Variants in HEXB observed in about 807,000 individuals in gnomAD.
The protein encoded by HEXB is beta-hexosaminidase subunit beta.
HEXB carries 51 observed loss-of-function variants against 71.2 expected under a neutral mutation model. That is an observed-to-expected ratio of 0.72 (90% CI 0.57 to 0.90). HEXB has a LOEUF of 0.90. Among genes scored for constraint, HEXB ranks in the 40% least tolerant of loss-of-function variants. The pLI is 0.00. For synonymous variants in HEXB, 266 were observed against 249.3 expected (o/e 1.07, Z -0.63); for missense variants, 617 against 677.0 (o/e 0.91, Z 0.98).
intron 1 of HEXB, among the ~76,000 whole-genome samples, chr5:74,664,446 A>AC (rs1483210521): frequency 2.7e-5 from 4 of 149,412 alleles, no homozygotes; most frequent in Non-Finnish European, 5.9e-5. Context: ...AAAAAAAAAA[A>AC]AAAAAAACAG....
At chr5:74,676,973 A>G (rs1308465880) in intron 1 of HEXB, among the ~76,000 whole-genome samples, 2 of 151,568 alleles carry the variant, frequency 1.3e-5, no homozygotes, top group Non-Finnish European at 2.9e-5. Context: ...TGCAAACTCC[A>G]CCTCCTGGGT....
rs201475132 is a variant in HEXB at position 74,677,490 on chromosome 5, C to T, written c.-376-11838C>T. Among the ~76,000 whole-genome samples, 285 of 77,268 alleles carry T rather than the reference C, an allele frequency of 3.7e-3. 4 individuals are homozygous for T. The highest frequency in any genetic ancestry group is 0.014 in the Middle Eastern group (2 of 138). 50.7% of individuals were successfully genotyped at this position (77,268 alleles called of 152,430 possible). On this transcript the variant is annotated intron_variant, in intron 1 of 13. Transcript: ENST00000511181. Reference sequence around the variant, plus strand: ...AGTTTGCATTTCTTTTCTTCTTCTTCTTTTTTTTTTTTTTTTTTTTTTTGG... The same window carrying T: ...AGTTTGCATTTCTTTTCTTCTTCTTTTTTTTTTTTTTTTTTTTTTTTTTGG...
intron 1 of HEXB, among the ~76,000 whole-genome samples, chr5:74,642,598 T>C (rs914074834): frequency 6.6e-6 from 1 of 152,094 alleles, no homozygotes; most frequent in Non-Finnish European, 1.5e-5. Flanking sequence ...CTCTGTCTGC[T>C]TCCTTTGTGA....
chr5:74,671,631 G>A (rs193049289), intron 1 of HEXB, among the ~76,000 whole-genome samples: 16 of 152,250 alleles, frequency 1.1e-4, no homozygotes, highest in East Asian at 1.9e-4. Flanking sequence ...TGGTTCCACC[G>A]CCATGTATCT....
At chr5:74,696,917 G>T (rs1034374127) in intron 4 of HEXB, 79 bp from the exon 5 acceptor site, 1 of 819,210 alleles carries the variant, frequency 1.2e-6, no homozygotes, top group African/African-American at 1.7e-5. Flanking sequence ...TGAAATGCTT[G>T]TATAAATAGA....
rs563667662 is a variant in HEXB at position 74,657,032 on chromosome 5, G to A, written c.-377+16474G>A. ...AGTCACTCCATAACCTTTCTGATAG[G>A]AACCCTTTAGCCTCTCAGCTCCCTC... is the stretch of plus-strand genomic sequence containing the variant. On this transcript the variant is annotated intron_variant, in intron 1 of 13. Transcript: ENST00000511181. 1.2e-4 allele frequency among the ~76,000 whole-genome samples: 18 copies of A among 152,164 alleles called. No homozygotes were observed. In the South Asian group the frequency reaches 3.7e-3, roughly 32 times the overall value.
At chr5:74,709,469 A>G (rs936076465) in intron 6 of HEXB, among the ~76,000 whole-genome samples, 3 of 152,248 alleles carry the variant, frequency 2.0e-5, no homozygotes, top group Non-Finnish European at 2.9e-5. Context: ...AAATAGACAC[A>G]CAAAAAACCC....
intron 3 of HEXB, 147 bp from the exon 4 acceptor site, chr5:74,696,546 A>T (rs573801213): frequency 4.4e-4 from 247 of 567,264 alleles, no homozygotes; most frequent in Admixed American, 1.0e-3. Context: ...GGGTGTAGGT[A>T]TAACAATATA....
At chr5:74,670,326 A>G (rs1748509466) in intron 1 of HEXB, among the ~76,000 whole-genome samples, 1 of 151,816 alleles carries the variant, frequency 6.6e-6, no homozygotes, top group South Asian at 2.1e-4. Flanking sequence ...CCACACTGAG[A>G]GAAACCATCA....
chr5:74,700,962 C>T (rs1053224303), intron 5 of HEXB, among the ~76,000 whole-genome samples: 7 of 152,160 alleles, frequency 4.6e-5, no homozygotes, highest in African/African-American at 1.7e-4. Context: ...CCTTCCTCAG[C>T]TTCCCGAAGT....
At chr5:74,665,761 C>CT (rs531392785) in intron 1 of HEXB, among the ~76,000 whole-genome samples, 3 of 151,506 alleles carry the variant, frequency 2.0e-5, no homozygotes, top group Non-Finnish European at 2.9e-5. Flanking sequence ...ATACCGAATT[C>CT]TTTTTTTTTA....
chr5:74,651,648 G>A (rs1580358886), intron 1 of HEXB, among the ~76,000 whole-genome samples: 1 of 152,168 alleles, frequency 6.6e-6, no homozygotes, highest in African/African-American at 2.4e-5. Flanking sequence ...AAGCAAGGAC[G>A]ATCATTGACA....
At chr5:74,694,841 A>C (rs1025504689) in intron 3 of HEXB, among the ~76,000 whole-genome samples, 1 of 151,944 alleles carries the variant, frequency 6.6e-6, no homozygotes, top group Admixed American at 6.6e-5. Context: ...ATGGTGGCGC[A>C]TGCCTGTAAT....
chr5:74,687,551 C>A lies in HEXB; in HGVS notation c.300-1777C>A, dbSNP rs1748901497. Among the ~76,000 whole-genome samples, 6 of 152,176 alleles carry A rather than the reference C, an allele frequency of 3.9e-5. No homozygotes were observed. In the South Asian group the frequency reaches 1.2e-3, roughly 32 times the overall value. Reference sequence around the variant, plus strand: ...TCATTTCCTGGAAGGCTAAACTAACCCACATACCTTTGACATACTGCCTCA... The same window carrying A: ...TCATTTCCTGGAAGGCTAAACTAACACACATACCTTTGACATACTGCCTCA... On this transcript the variant is annotated intron_variant, in intron 1 of 13. Transcript: ENST00000261416.
At chr5:74,649,947 G>A (rs752796666) in intron 1 of HEXB, among the ~76,000 whole-genome samples, 5 of 152,226 alleles carry the variant, frequency 3.3e-5, no homozygotes, top group Admixed American at 1.3e-4. Context: ...AATATTGAGA[G>A]AAGCATCTTT....
chr5:74,692,348 A>G (rs1749020801), intron 2 of HEXB, among the ~76,000 whole-genome samples: 1 of 151,798 alleles, frequency 6.6e-6, no homozygotes, highest in Non-Finnish European at 1.5e-5. Flanking sequence ...AAAAAAAAAA[A>G]AAAAGAAAGA....
At chr5:74,679,111 G>C in intron 1 of HEXB, among the ~76,000 whole-genome samples, 1 of 152,206 alleles carries the variant, frequency 6.6e-6, no homozygotes, top group Non-Finnish European at 1.5e-5. Flanking sequence ...CACAGCAATA[G>C]ATAAATAATC....
rs760421862 is a variant in HEXB, at chr5:74,705,357, T to A, written c.771+37T>A. ...GTATTGTACTCTGTCTACAAAAACA[T>A]TGGGTATAGTTTCATTACAAGTTTG... On this transcript the variant is annotated intron_variant, in intron 6 of 13. Transcript: ENST00000261416. The A allele has an allele frequency of 2.0e-5, 21 of 1,069,938 alleles. No individual in the cohort carries two copies. In the African/African-American group the frequency reaches 2.3e-4, roughly 12 times the overall value. 66.3% of individuals were successfully genotyped at this position (1,069,938 alleles called of 1,614,324 possible).
intron 1 of HEXB, among the ~76,000 whole-genome samples, chr5:74,667,439 G>A (rs948346837): frequency 3.9e-5 from 6 of 152,056 alleles, no homozygotes; most frequent in Admixed American, 2.0e-4. Flanking sequence ...TTACCATACA[G>A]TCCATTCTTG....
Sources: gnomAD v4.1 joint callset for allele counts (sites outside exome capture counted in the v4.1 genomes callset) on GRCh38, gnomAD v4.1.1 for gene constraint, MANE v1.5 for transcripts, NCBI Gene and HGNC (gene_info 2026-07-23, HGNC 2026-07-21) for gene names.